The following MIS18A variants were observed in gnomAD, a reference collection of about 807,000 sequenced individuals.
The protein encoded by MIS18A is protein Mis18-alpha.
In MIS18A, 14 loss-of-function variants were observed where a neutral mutation model predicts 25.0. The observed-to-expected ratio is 0.56, with a 90% CI of 0.37 to 0.88. The LOEUF (loss-of-function observed/expected upper bound fraction) is 0.88, where lower values mean the gene tolerates loss of function less well. Among genes scored for constraint, MIS18A ranks in the 40% least tolerant of loss-of-function variants. MIS18A has a pLI of 0.00. For missense variants in MIS18A, 292 were observed against 290.8 expected (o/e 1.00, Z -0.03); for synonymous variants, 134 against 118.6 (o/e 1.13, Z -0.84).
the MIS18A span, among the ~76,000 whole-genome samples, chr21:32,259,416 C>T: frequency 6.6e-6 from 1 of 152,200 alleles, no homozygotes. Context: ...GCCTCCTTAC[C>T]TCAGCTCAAG....
At position 32,268,950 on chromosome 21, in the gene MIS18A, T is replaced by G; in HGVS notation, c.*87A>C. ...GCTAATTTTTTTTTTCTTTTTTTTT[T>G]TGTAGAGACGACGTCTCACTATGTT... On this transcript the variant is annotated 3_prime_UTR_variant, in exon 5 of 5. Transcript: ENST00000290130. 1.0e-6 allele frequency: 1 copy of G among 985,956 alleles called. No individual in the cohort carries two copies. Among genetic ancestry groups the G allele is most frequent in the Non-Finnish European group, 1.5e-6 (1 of 668,896 alleles). 61.1% of individuals were successfully genotyped at this position (985,956 alleles called of 1,614,324 possible). A position where few individuals can be genotyped will look rare whatever the true frequency, so the allele number is the denominator to read the frequency against.
the MIS18A span, among the ~76,000 whole-genome samples, chr21:32,163,197 T>C: frequency 6.6e-6 from 1 of 152,208 alleles, no homozygotes; most frequent in African/African-American, 2.4e-5. Flanking sequence ...ATTAGCTTGA[T>C]TGGAATAAAC....
chr21:32,165,523 G>T, the MIS18A span, among the ~76,000 whole-genome samples: 1 of 151,644 alleles, frequency 6.6e-6, no homozygotes, highest in Non-Finnish European at 1.5e-5. Flanking sequence ...GTAAAGAAAG[G>T]CACTTTCTTA....
the MIS18A span, among the ~76,000 whole-genome samples, chr21:32,231,008 G>A: frequency 6.6e-6 from 1 of 151,974 alleles, no homozygotes; most frequent in African/African-American, 2.4e-5. Flanking sequence ...GCTGAGGTGG[G>A]CAGACCACTT....
the MIS18A span, among the ~76,000 whole-genome samples, chr21:32,194,682 G>A: frequency 2.0e-5 from 3 of 151,350 alleles, no homozygotes; most frequent in South Asian, 2.1e-4. Flanking sequence ...AAAAGATATA[G>A]ATATAGACAC....
chr21:32,222,707 G>A, the MIS18A span, among the ~76,000 whole-genome samples: 4 of 152,012 alleles, frequency 2.6e-5, no homozygotes, highest in South Asian at 2.1e-4. Context: ...CAAGGCGGGC[G>A]GGTCACGAGG....
chr21:32,246,910 CTTTAT>C, the MIS18A span, among the ~76,000 whole-genome samples: 1 of 152,248 alleles, frequency 6.6e-6, no homozygotes, highest in East Asian at 1.9e-4. Flanking sequence ...AAGGGCGGAA[CTTTAT>C]TTTATTTTAT....
chr21:32,258,757 C>G, the MIS18A span, among the ~76,000 whole-genome samples: 4 of 152,162 alleles, frequency 2.6e-5, no homozygotes, highest in African/African-American at 9.7e-5. Context: ...CTTGAACGTG[C>G]CTGGGGACCA....
chr21:32,269,483 T>C, intron 4 of MIS18A: 2 of 496,634 alleles, frequency 4.0e-6, no homozygotes, highest in Non-Finnish European at 7.1e-6. Context: ...TGTTTTAATA[T>C]ATAGTTTTGA....
chr21:32,211,369 G>A, the MIS18A span, among the ~76,000 whole-genome samples: 1 of 152,312 alleles, frequency 6.6e-6, no homozygotes, highest in Non-Finnish European at 1.5e-5. Context: ...GAGAAAGGAG[G>A]AAAGGGGAAA....
the MIS18A span, among the ~76,000 whole-genome samples, chr21:32,177,347 A>G: frequency 6.6e-6 from 1 of 152,172 alleles, no homozygotes; most frequent in Non-Finnish European, 1.5e-5. Flanking sequence ...TACATCAAAT[A>G]TGATACTGAT....
the MIS18A span, among the ~76,000 whole-genome samples, chr21:32,218,885 T>A: frequency 6.6e-6 from 1 of 152,004 alleles, no homozygotes; most frequent in Non-Finnish European, 1.5e-5. Context: ...GCCAACATGG[T>A]GAAACCCCGT....
chr21:32,201,577 T>G, the MIS18A span, among the ~76,000 whole-genome samples: 1 of 152,040 alleles, frequency 6.6e-6, no homozygotes, highest in African/African-American at 2.4e-5. Flanking sequence ...TCCCAACACT[T>G]TGGGAGGCCG....
chr21:32,192,769 G>A, the MIS18A span, among the ~76,000 whole-genome samples: 11 of 152,290 alleles, frequency 7.2e-5, no homozygotes, highest in East Asian at 9.7e-4. Context: ...ACAACCAAGC[G>A]TGGCTGAATA....
rs2123474913 is a variant in MIS18A, at chr21:32,278,776, GGCCTCTCCTCCGCAGCCGCC to G, written c.219_238del (p.Ala75GlyfsTer35). The G allele has an allele frequency of 6.3e-7, 1 of 1,580,630 alleles. No individual in the cohort carries two copies. The highest frequency in any genetic ancestry group is 1.3e-5 in the African/African-American group (1 of 74,730). ...GCAGCCGGAGCACAGGAACACCAGC[GGCCTCTCCTCCGCAGCCGCC>G]GCCTCCTCCTCCAGCTGCGCCCTCT... On this transcript the variant is annotated frameshift_variant, in exon 1 of 5. Transcript: ENST00000290130. LOFTEE classifies it high-confidence loss of function.
the MIS18A span, among the ~76,000 whole-genome samples, chr21:32,232,258 T>C: frequency 1.3e-5 from 2 of 152,026 alleles, no homozygotes; most frequent in Admixed American, 6.6e-5. Context: ...TCTAGATATA[T>C]AGATATATGT....
chr21:32,239,201 C>T, the MIS18A span, among the ~76,000 whole-genome samples: 1 of 152,132 alleles, frequency 6.6e-6, no homozygotes, highest in African/African-American at 2.4e-5. Context: ...TTTTCATCCC[C>T]AAGGTATCAC....
chr21:32,167,353 A>G, the MIS18A span, among the ~76,000 whole-genome samples: 1 of 140,382 alleles, frequency 7.1e-6, no homozygotes, highest in East Asian at 1.9e-4. Context: ...TATCTGATAT[A>G]GATTTTAAAA....
chr21:32,202,119 T>C, the MIS18A span, among the ~76,000 whole-genome samples: 1 of 151,866 alleles, frequency 6.6e-6, no homozygotes, highest in Non-Finnish European at 1.5e-5. Context: ...CGAGACGTTG[T>C]CTCTACAAAC....
Sources: allele counts gnomAD v4.1 joint callset (sites outside exome capture counted in the v4.1 genomes callset), GRCh38; gene constraint gnomAD v4.1.1; transcripts MANE v1.5; gene names NCBI Gene and HGNC (gene_info 2026-07-23, HGNC 2026-07-21).